The following ENY2 variants were observed in gnomAD, a reference collection of about 807,000 sequenced individuals.
ENY2 encodes transcription and mRNA export factor ENY2.
A neutral mutation model predicts 15.9 loss-of-function variants in ENY2; 4 were observed. The observed-to-expected ratio is 0.25, with a 90% CI of 0.12 to 0.57. The LOEUF (loss-of-function observed/expected upper bound fraction) is 0.57, where lower values mean the gene tolerates loss of function less well. Among genes scored for constraint, ENY2 ranks in the 20% least tolerant of loss-of-function variants. ENY2 has a pLI of 0.91. For missense variants in ENY2, 54 were observed against 117.2 expected (o/e 0.46, Z 2.49); for synonymous variants, 48 against 38.0 (o/e 1.26, Z -0.97).
chr8:109,334,648 TCCTCTCCCG>T (rs891347523), intron 1 of ENY2, 174 bp downstream of exon 1: 20 of 683,802 alleles, frequency 2.9e-5, no homozygotes, highest in South Asian at 9.9e-5. Flanking sequence ...TTCTGGCTCC[TCCTCTCCCG>T]CCTCTCCCGC....
intron 2 of ENY2, among the ~76,000 whole-genome samples, chr8:109,337,099 G>A (rs1356664426): frequency 7.5e-6 from 1 of 132,896 alleles, no homozygotes; most frequent in Non-Finnish European, 1.7e-5. Context: ...GAAATGACTA[G>A]ATCACATTTA....
chr8:109,342,545 T>A (rs561171187), intron 4 of ENY2: 1 of 432,800 alleles, frequency 2.3e-6, no homozygotes, highest in African/African-American at 2.1e-5. Flanking sequence ...GATCTTGCTC[T>A]GTCACCGAGG....
chr8:109,345,281 C>T lies in ENY2; in HGVS notation c.*1800C>T, dbSNP rs1236834535. The T allele has an allele frequency of 1.3e-5, 2 of 152,008 alleles. No homozygotes were observed. Among genetic ancestry groups the T allele is most frequent in the Non-Finnish European group, 2.9e-5 (2 of 68,026 alleles). The allele number at this position is 152,008 out of a possible 1,614,324, so 9.4% of individuals were successfully genotyped here. On this transcript the variant is annotated 3_prime_UTR_variant, in exon 5 of 5. Coordinates refer to ENST00000521688, the MANE Select transcript of ENY2 (RefSeq NM_020189.6). ...ATGACTTCTCTGACTTTGTATGATG[C>T]TTATTTGTGGATGAATGGGCAAGGG...
At position 109,339,448 on chromosome 8, in the gene ENY2, G is replaced by C. The variant is rs1413266863; in HGVS notation, c.154+58G>C. On this transcript the variant is annotated intron_variant, in intron 3 of 4. Coordinates refer to ENST00000521688, the MANE Select transcript of ENY2 (RefSeq NM_020189.6). ...CCATTTTTCTGATCAGGATTGGTTT[G>C]GGGGTTGCTTATTTTAAGGTATATT... The C allele has an allele frequency of 8.2e-6, 12 of 1,470,420 alleles. No homozygotes were observed. In the Admixed American group the frequency reaches 1.2e-4, roughly 15 times the overall value. 91.1% of individuals were successfully genotyped at this position (1,470,420 alleles called of 1,614,324 possible). A position where few individuals can be genotyped will look rare whatever the true frequency, so the allele number is the denominator to read the frequency against.
chr8:109,339,653 T>C, intron 3 of ENY2: 1 of 369,610 alleles, frequency 2.7e-6, no homozygotes, highest in Non-Finnish European at 4.8e-6. Flanking sequence ...GCAACTTTAT[T>C]GTTTCTTATG....
intron 4 of ENY2, 61 bp downstream of exon 4, chr8:109,340,624 T>G: frequency 6.3e-7 from 1 of 1,591,836 alleles, no homozygotes; most frequent in Non-Finnish European, 8.5e-7. Context: ...TTAAAATCTC[T>G]TGCTGGTTCA....
intron 2 of ENY2, among the ~76,000 whole-genome samples, chr8:109,336,893 C>A (rs1016978713): frequency 6.6e-6 from 1 of 151,890 alleles, no homozygotes; most frequent in Admixed American, 6.6e-5. Flanking sequence ...GAAAGGCTCC[C>A]AGAGGCAGGG....
Position 109,336,118 on chromosome 8 carries a change from T to C in ENY2, c.7-10T>C, listed in dbSNP as rs1442448761. On this transcript the variant is annotated splice_polypyrimidine_tract_variant and intron_variant, in intron 1 of 4. Transcript: ENST00000521688. ...ATGTTCTATATCTGAAAGTACATGT[T>C]GATGTCCAGGTTAGCAAGATGAACA... is the stretch of plus-strand genomic sequence containing the variant. The C allele has an allele frequency of 2.8e-5, 45 of 1,612,620 alleles. No individual in the cohort carries two copies. Among genetic ancestry groups the C allele is most frequent in the Non-Finnish European group, 3.8e-5 (45 of 1,179,126 alleles).
At chr8:109,335,380 TGAGA>T (rs1815945293) in intron 1 of ENY2, 1 of 150,456 alleles carries the variant, frequency 6.6e-6, no homozygotes, top group Non-Finnish European at 1.5e-5. Flanking sequence ...TTTTTTTTTT[TGAGA>T]CAGAGTCTTG....
At chr8:109,339,985 A>C (rs934515142) in intron 3 of ENY2, among the ~76,000 whole-genome samples, 1 of 152,196 alleles carries the variant, frequency 6.6e-6, no homozygotes, top group Non-Finnish European at 1.5e-5. Context: ...CAATGTGACA[A>C]ATTAGTAAAA....
intron 2 of ENY2, 55 bp downstream of exon 2, chr8:109,336,259 T>C: frequency 1.4e-6 from 2 of 1,382,642 alleles, no homozygotes; most frequent in Non-Finnish European, 2.0e-6. Context: ...ATAGTTAGCT[T>C]GTAAGAATCT....
At position 109,339,339 on chromosome 8, in the gene ENY2, G is replaced by A; in HGVS notation, c.103G>A (p.Ala35Thr). 2 of 1,613,908 alleles carry A rather than the reference G, an allele frequency of 1.2e-6. No homozygotes were observed. The highest frequency in any genetic ancestry group is 1.7e-6 in the Non-Finnish European group (2 of 1,179,882). ...CAACAGCCTCAAAGAGTTGCTGAGA[G>A]CTAAATTAATTGAATGTGGCTGGAA... ...ERERLKELLR[A>T]KLIECGWKDQ... Residue 35 changes from alanine to threonine, a missense_variant, in exon 3 of 5, where the codon GCT (alanine) becomes ACT (threonine). Ala to Thr is a moderately conservative substitution (Grantham distance 58, BLOSUM62 0). Coordinates refer to ENST00000521688, the MANE Select transcript of ENY2 (RefSeq NM_020189.6).
In ENY2 at chr8:109,345,590, G is replaced by A. The variant is rs1188488809; in HGVS notation, c.*2109G>A. 1 of 152,088 alleles carries A rather than the reference G, an allele frequency of 6.6e-6. No individual in the cohort carries two copies. Among genetic ancestry groups the A allele is most frequent in the East Asian group, 1.9e-4 (1 of 5,188 alleles). 9.4% of individuals were successfully genotyped at this position (152,088 alleles called of 1,614,324 possible). A position where few individuals can be genotyped will look rare whatever the true frequency, so the allele number is the denominator to read the frequency against. ...AAGTGATAGGGATGCTCATCATTCTGCTACCTATTATCACAATGAAAACAA... is the reference window on the plus strand; with the variant it reads ...AAGTGATAGGGATGCTCATCATTCTACTACCTATTATCACAATGAAAACAA... On this transcript the variant is annotated 3_prime_UTR_variant, in exon 5 of 5. Transcript: ENST00000521688.
intron 4 of ENY2, chr8:109,340,765 C>G (rs1816094178): frequency 3.5e-6 from 2 of 564,404 alleles, no homozygotes; most frequent in African/African-American, 1.9e-5. Flanking sequence ...TTCTTGTACT[C>G]TAGAACAGTG....
In ENY2 at chr8:109,336,100, A is replaced by G. The variant is rs138319872; in HGVS notation, c.7-28A>G. The stretch of plus-strand genomic sequence containing the variant: ...GCAGAAAATGCTTTGTAAATGTTCT[A>G]TATCTGAAAGTACATGTTGATGTCC... On this transcript the variant is annotated intron_variant, in intron 1 of 4. Transcript: ENST00000521688. 1,170 of 1,608,366 alleles carry G rather than the reference A, an allele frequency of 7.3e-4. 5 individuals carry two copies. The African/African-American group carries it at 0.013, about 17-fold the overall frequency.
chr8:109,336,095 GT>G, intron 1 of ENY2, 32 bp from the exon 2 acceptor site: 1 of 1,605,236 alleles, frequency 6.2e-7, no homozygotes, highest in Non-Finnish European at 8.5e-7. Flanking sequence ...CTTTGTAAAT[GT>G]TCTATATCTG....
intron 4 of ENY2, chr8:109,342,711 C>T (rs1816149023): frequency 1.4e-6 from 1 of 698,080 alleles, no homozygotes; most frequent in East Asian, 2.7e-5. Context: ...GCCATGTTGC[C>T]CAGGCTGGTC....
rs1433757383 is a variant in ENY2 at position 109,344,288 on chromosome 8, T to C, written c.*807T>C. The C allele has an allele frequency of 1.3e-5, 2 of 152,296 alleles. No individual in the cohort carries two copies. Among genetic ancestry groups the C allele is most frequent in the African/African-American group, 2.4e-5 (1 of 41,448 alleles). The allele number at this position is 152,296 out of a possible 1,614,324, so 9.4% of individuals were successfully genotyped here. A position where few individuals can be genotyped will look rare whatever the true frequency, so the allele number is the denominator to read the frequency against. On this transcript the variant is annotated 3_prime_UTR_variant, in exon 5 of 5. Coordinates refer to ENST00000521688, the MANE Select transcript of ENY2 (RefSeq NM_020189.6). ...TTGCTACCACTGGAAGTTCCTTCTG[T>C]TTCTTGTGGAGTACCTTTTGCTGTC...
Position 109,343,574 on chromosome 8 carries a change from G to A in ENY2, c.*93G>A, listed in dbSNP as rs1816169293. The A allele has an allele frequency of 2.7e-6, 3 of 1,123,372 alleles. No homozygotes were observed. The highest frequency in any genetic ancestry group is 2.2e-5 in the Admixed American group (1 of 45,716). The allele number at this position is 1,123,372 out of a possible 1,614,324, so 69.6% of individuals were successfully genotyped here. On this transcript the variant is annotated 3_prime_UTR_variant, in exon 5 of 5. Coordinates refer to ENST00000521688, the MANE Select transcript of ENY2 (RefSeq NM_020189.6). ...ATTTCCCAAAATAAAATCCTTTTTT[G>A]TATGATGGTATACAGTTTTCAGTAA...
Sources: gnomAD v4.1 joint callset for allele counts (sites outside exome capture counted in the v4.1 genomes callset) on GRCh38, gnomAD v4.1.1 for gene constraint, MANE v1.5 for transcripts, NCBI Gene and HGNC (gene_info 2026-07-23, HGNC 2026-07-21) for gene names.